GOLPH3L: variants seen among roughly 807,000 people sequenced by gnomAD.
The protein encoded by GOLPH3L is Golgi phosphoprotein 3-like.
Under a neutral mutation model 30.3 loss-of-function variants are expected in GOLPH3L, and 22 were observed. That is an observed-to-expected ratio of 0.73 (90% CI 0.52 to 1.04). The LOEUF (loss-of-function observed/expected upper bound fraction) is 1.04, where lower values mean the gene tolerates loss of function less well. Ranked by LOEUF, GOLPH3L falls within the 50% of genes least tolerant of loss-of-function variation. The probability of loss-of-function intolerance (pLI) is 0.00; values close to 1 mark genes in which losing one functional copy is unlikely to be tolerated. For missense variants in GOLPH3L, 303 were observed against 345.8 expected, an observed-to-expected ratio of 0.88 and a Z score of 0.98; for synonymous variants, 120 against 128.2, an observed-to-expected ratio of 0.94 and a Z score of 0.43.
intron 4 of GOLPH3L, among the ~76,000 whole-genome samples, chr1:150,658,789 T>C (rs1325710960): frequency 6.6e-6 from 1 of 152,192 alleles, no homozygotes; most frequent in Non-Finnish European, 1.5e-5. Context: ...AACATGGTGG[T>C]AGAGTGGCAC....
chr1:150,687,354 G>T (rs1651107994), intron 2 of GOLPH3L, among the ~76,000 whole-genome samples: 1 of 151,950 alleles, frequency 6.6e-6, no homozygotes, highest in African/African-American at 2.4e-5. Context: ...GAGGCAGGCG[G>T]ATCACCTGAG....
At chr1:150,677,698 T>C (rs1465611937) in intron 2 of GOLPH3L, among the ~76,000 whole-genome samples, 1 of 151,382 alleles carries the variant, frequency 6.6e-6, no homozygotes, top group Non-Finnish European at 1.5e-5. Context: ...TAATCGTAGC[T>C]CACTGCACCC....
At chr1:150,693,819 G>GTGTGTGTATA (rs1166804199) in intron 2 of GOLPH3L, among the ~76,000 whole-genome samples, 2 of 86,862 alleles carry the variant, frequency 2.3e-5, no homozygotes, top group African/African-American at 5.0e-5. Flanking sequence ...GTGTGTGTGT[G>GTGTGTGTATA]TATATATATA....
intron 3 of GOLPH3L, among the ~76,000 whole-genome samples, chr1:150,662,568 T>G (rs1431428649): frequency 1.3e-5 from 2 of 152,070 alleles, no homozygotes; most frequent in Non-Finnish European, 2.9e-5. Flanking sequence ...AATTTGAAAA[T>G]TAATCTCATG....
At chr1:150,672,132 G>C (rs1043925070) in intron 2 of GOLPH3L, among the ~76,000 whole-genome samples, 2 of 152,140 alleles carry the variant, frequency 1.3e-5, no homozygotes, top group African/African-American at 2.4e-5. Context: ...CCTTCCATGA[G>C]AGAAGAAATG....
chr1:150,648,636 C>T lies in GOLPH3L; in HGVS notation c.543G>A (p.Leu181=). 2 of 1,613,744 alleles carry T rather than the reference C, an allele frequency of 1.2e-6. No homozygotes were observed. The highest frequency in any genetic ancestry group is 1.3e-5 in the African/African-American group (1 of 75,002). Reference sequence around the variant, plus strand: ...CTGGATGAGTAGTCATGTCAAATAGCAGGAAATTCTGCTTCTCAGTGGTTA... The same window carrying T: ...CTGGATGAGTAGTCATGTCAAATAGTAGGAAATTCTGCTTCTCAGTGGTTA... The part of the protein sequence containing the change: ...GILTTEKQNF[L]LFDMTTHPVT... Residue 181 remains leucine, a synonymous_variant, in exon 5 of 5, where the codon CTG becomes CTA. Transcript: ENST00000271732.
intron 2 of GOLPH3L, among the ~76,000 whole-genome samples, chr1:150,678,284 CAAAAAAAA>C (rs75131824): frequency 2.6e-4 from 12 of 45,932 alleles, no homozygotes; most frequent in Admixed American, 1.8e-3. Context: ...AACTCCGTCT[CAAAAAAAA>C]AAAAAAAAAA....
At chr1:150,690,963 T>C (rs967900857) in intron 2 of GOLPH3L, among the ~76,000 whole-genome samples, 7 of 152,150 alleles carry the variant, frequency 4.6e-5, no homozygotes, top group African/African-American at 1.7e-4. Flanking sequence ...CACAGAAGAA[T>C]AAACAAAACA....
chr1:150,652,738 A>G (rs1329458568), intron 4 of GOLPH3L, among the ~76,000 whole-genome samples: 1 of 152,156 alleles, frequency 6.6e-6, no homozygotes, highest in Admixed American at 6.6e-5. Context: ...TAACTTTTTA[A>G]ACTTTTGCGC....
intron 3 of GOLPH3L, among the ~76,000 whole-genome samples, chr1:150,663,407 T>C (rs1474169649): frequency 6.6e-6 from 1 of 152,178 alleles, no homozygotes; most frequent in East Asian, 1.9e-4. Flanking sequence ...ATGATTTTTC[T>C]GCATAAAAAA....
chr1:150,686,000 G>A (rs1394476416), intron 2 of GOLPH3L, among the ~76,000 whole-genome samples: 4 of 149,450 alleles, frequency 2.7e-5, no homozygotes, highest in Non-Finnish European at 4.4e-5. Flanking sequence ...TCAGCCTCCC[G>A]AGTAGCTGAG....
chr1:150,677,268 G>A (rs1169741087), intron 2 of GOLPH3L, among the ~76,000 whole-genome samples: 1 of 150,324 alleles, frequency 6.7e-6, no homozygotes, highest in East Asian at 2.0e-4. Flanking sequence ...ACAGAGTCTC[G>A]CTCCATTGCC....
intron 2 of GOLPH3L, among the ~76,000 whole-genome samples, chr1:150,681,400 G>T (rs1487133597): frequency 6.6e-6 from 1 of 152,134 alleles, no homozygotes; most frequent in African/African-American, 2.4e-5. Context: ...AAATGCAAGA[G>T]AATTCAGAGA....
chr1:150,649,870 G>A (rs184393995), intron 4 of GOLPH3L, among the ~76,000 whole-genome samples: 24 of 152,156 alleles, frequency 1.6e-4, no homozygotes, highest in African/African-American at 5.1e-4. Flanking sequence ...GGTGGTACAC[G>A]CCTGTAGTCC....
At chr1:150,661,247 T>A (rs1440601603) in intron 4 of GOLPH3L, among the ~76,000 whole-genome samples, 1 of 152,046 alleles carries the variant, frequency 6.6e-6, no homozygotes, top group Non-Finnish European at 1.5e-5. Context: ...ATAATAATAA[T>A]AAATGTTATG....
rs1320869360 is a variant in GOLPH3L, at chr1:150,663,639, T to C, written c.308A>G (p.Asp103Gly). Reference protein sequence around the residue: ...PPTMRKKRLLDRKVLLKSDSP... With the variant: ...PPTMRKKRLLGRKVLLKSDSP... Reference sequence around the variant, plus strand: ...TCACAGAGGATTCAGTACCTTTCTGTCTAGTAGTCGCTTCTTACGCATGGT... The same window carrying C: ...TCACAGAGGATTCAGTACCTTTCTGCCTAGTAGTCGCTTCTTACGCATGGT... The change falls in exon 3 of 5, where the codon GAC (aspartate) becomes GGC (glycine). Residue 103 changes from aspartate (D) to glycine (G), a missense_variant. Asp to Gly is a moderately conservative substitution (Grantham distance 94). Transcript: ENST00000271732. 4 of 1,613,002 alleles carry C rather than the reference T, an allele frequency of 2.5e-6. No homozygotes were observed. The African/African-American group carries it at 5.3e-5, about 22-fold the overall frequency.
intron 4 of GOLPH3L, among the ~76,000 whole-genome samples, chr1:150,650,997 TATAA>T (rs754775434): frequency 6.6e-6 from 1 of 152,034 alleles, no homozygotes; most frequent in Non-Finnish European, 1.5e-5. Flanking sequence ...ATATAGAGAA[TATAA>T]ATAAAGACAG....
chr1:150,673,255 C>A (rs587711669), intron 2 of GOLPH3L, among the ~76,000 whole-genome samples: 12 of 152,070 alleles, frequency 7.9e-5, no homozygotes, highest in African/African-American at 1.4e-4. Context: ...TTAATTGCTA[C>A]ACATTGTCCA....
intron 2 of GOLPH3L, among the ~76,000 whole-genome samples, chr1:150,687,926 C>G (rs1651125568): frequency 6.6e-6 from 1 of 152,088 alleles, no homozygotes; most frequent in Non-Finnish European, 1.5e-5. Flanking sequence ...TCAGGATGAA[C>G]TGGATTAAAC....
Sources: gnomAD v4.1 joint callset for allele counts (sites outside exome capture counted in the v4.1 genomes callset) on GRCh38, gnomAD v4.1.1 for gene constraint, MANE v1.5 for transcripts, NCBI Gene and HGNC (gene_info 2026-07-23, HGNC 2026-07-21) for gene names.